RHPN2: variants seen among roughly 807,000 people sequenced by gnomAD.
The protein encoded by RHPN2 is rhophilin Rho GTPase binding protein 2, also known as rhophilin-2.
Under a neutral mutation model 79.0 loss-of-function variants are expected in RHPN2, and 40 were observed. The observed-to-expected ratio is 0.51, with a 90% CI of 0.39 to 0.66. The LOEUF (loss-of-function observed/expected upper bound fraction) is 0.66. Among genes scored for constraint, RHPN2 ranks in the 30% least tolerant of loss-of-function variants. The probability of loss-of-function intolerance (pLI) is 0.00; values close to 1 mark genes in which losing one functional copy is unlikely to be tolerated. For synonymous variants in RHPN2, 285 were observed against 363.5 expected (o/e 0.78, Z 2.46); for missense variants, 686 against 883.5 (o/e 0.78, Z 2.83).
intron 2 of RHPN2, among the ~76,000 whole-genome samples, chr19:33,031,954 G>A (rs1216075095): frequency 2.0e-5 from 3 of 150,812 alleles, no homozygotes; most frequent in South Asian, 2.1e-4. Context: ...TCCTGACCTC[G>A]TGATCCACCT....
intron 14 of RHPN2, among the ~76,000 whole-genome samples, chr19:32,982,902 TTTC>T (rs1050508789): frequency 2.6e-5 from 4 of 152,042 alleles, no homozygotes; most frequent in African/African-American, 9.7e-5. Context: ...TGTATACTTG[TTTC>T]TTATCTTCGC....
rs955738796 is a variant in RHPN2, at chr19:33,049,894, C to T, written c.70-5530G>A. ...AGGATGAGCGGTGAGGCGGTGTGAGCGGTAGGAATGCATGCAACCCCCAGA... is the reference window on the plus strand; with the variant it reads ...AGGATGAGCGGTGAGGCGGTGTGAGTGGTAGGAATGCATGCAACCCCCAGA... On this transcript the variant is annotated intron_variant, in intron 1 of 14. Coordinates refer to ENST00000254260, the MANE Select transcript of RHPN2 (RefSeq NM_033103.5). Among the ~76,000 whole-genome samples, 16 of 152,178 alleles carry T rather than the reference C, an allele frequency of 1.1e-4. No individual in the cohort carries two copies. In the East Asian group the frequency reaches 1.7e-3, roughly 17 times the overall value.
chr19:33,029,094 C>T (rs1479300548), intron 2 of RHPN2, among the ~76,000 whole-genome samples: 7 of 150,948 alleles, frequency 4.6e-5, no homozygotes, highest in African/African-American at 1.2e-4. Flanking sequence ...GAGCCAAGAT[C>T]GCGCCACCGC....
intron 3 of RHPN2, 39 bp downstream of exon 3, chr19:33,026,465 G>A (rs1446317981): frequency 3.1e-6 from 5 of 1,602,744 alleles, no homozygotes; most frequent in Non-Finnish European, 4.2e-6. Flanking sequence ...AAGGATCTCT[G>A]GCTCAGAGGC....
At chr19:33,053,987 G>A (rs1266264263) in intron 1 of RHPN2, among the ~76,000 whole-genome samples, 1 of 151,980 alleles carries the variant, frequency 6.6e-6, no homozygotes, top group Non-Finnish European at 1.5e-5. Context: ...AGCCTCCCGA[G>A]AAGCTGGGAC....
intron 14 of RHPN2, among the ~76,000 whole-genome samples, chr19:32,983,054 CTACACACACA>C: frequency 1.6e-5 from 1 of 61,642 alleles, no homozygotes; most frequent in Admixed American, 2.0e-4. Flanking sequence ...TCCCAGATCT[CTACACACACA>C]CACACACACA....
intron 7 of RHPN2, among the ~76,000 whole-genome samples, chr19:33,005,055 G>C (rs866761256): frequency 7.3e-5 from 11 of 151,444 alleles, no homozygotes; most frequent in Admixed American, 1.3e-4. Context: ...GCTCACAGGG[G>C]ACCAGGCTCA....
chr19:33,045,114 C>T (rs544422740), intron 1 of RHPN2, among the ~76,000 whole-genome samples: 6 of 149,072 alleles, frequency 4.0e-5, no homozygotes, highest in East Asian at 2.0e-4. Flanking sequence ...TGCAGTGGCG[C>T]GATCTCGGCT....
chr19:32,985,401 C>T (rs1159616565), intron 14 of RHPN2, among the ~76,000 whole-genome samples: 3 of 152,140 alleles, frequency 2.0e-5, no homozygotes, highest in Non-Finnish European at 4.4e-5. Flanking sequence ...CTTTGGGAGG[C>T]AAGGTAGGCG....
chr19:33,016,815 C>T (rs1486644313), intron 4 of RHPN2, among the ~76,000 whole-genome samples: 2 of 152,202 alleles, frequency 1.3e-5, no homozygotes, highest in African/African-American at 4.8e-5. Flanking sequence ...ACCACTTCTG[C>T]AGTACCTGTG....
chr19:32,996,122 C>T lies in RHPN2; in HGVS notation c.1324G>A (p.Val442Met). The T allele has an allele frequency of 6.2e-7, 1 of 1,614,116 alleles. No individual in the cohort carries two copies. The highest frequency in any genetic ancestry group is 8.5e-7 in the Non-Finnish European group (1 of 1,179,972). Residue 442 changes from valine to methionine, a missense_variant, in exon 11 of 15, where the codon GTG becomes ATG. By Grantham distance (21) the Val-to-Met change is conservative (BLOSUM62 1). Coordinates refer to ENST00000254260, the MANE Select transcript of RHPN2 (RefSeq NM_033103.5). ...KLRSIEVLQKVLCAAQERSRL... is the reference protein window; with the variant it reads ...KLRSIEVLQKMLCAAQERSRL... Reference sequence around the variant, plus strand: ...GAGCGTTCCTGTGCGGCACACAGCACCTTCTGTAGCACCTCAATGCTCCGC... The same window carrying T: ...GAGCGTTCCTGTGCGGCACACAGCATCTTCTGTAGCACCTCAATGCTCCGC...
chr19:32,990,137 T>TAAAGGAAGAAAG, intron 14 of RHPN2, among the ~76,000 whole-genome samples: 1 of 17,882 alleles, frequency 5.6e-5, no homozygotes, highest in East Asian at 4.3e-4. Context: ...AGAAAATGAA[T>TAAAGGAAGAAAG]AAAGAAAGAA....
At chr19:32,981,524 G>C (rs1018940235) in intron 14 of RHPN2, among the ~76,000 whole-genome samples, 10 of 144,732 alleles carry the variant, frequency 6.9e-5, no homozygotes, top group African/African-American at 2.5e-4. Context: ...AAAAAAAAAA[G>C]AGTATGCAGT....
chr19:33,048,735 A>AAAC lies in RHPN2; in HGVS notation c.70-4372_70-4371insGTT, dbSNP rs967554714. ...AGCGAGACTCAGTCTCAAAAAAAAA[A>AAAC]AAAAAAAAAACTTTAATGTTAAGCT... On this transcript the variant is annotated intron_variant, in intron 1 of 14. Transcript: ENST00000254260. Among the ~76,000 whole-genome samples, 7 of 151,194 alleles carry AAAC rather than the reference A, an allele frequency of 4.6e-5. 1 individual carries two copies. Among genetic ancestry groups the AAAC allele is most frequent in the African/African-American group, 1.7e-4 (7 of 41,048 alleles).
chr19:33,016,510 G>A (rs1409118341), intron 4 of RHPN2, among the ~76,000 whole-genome samples: 1 of 152,090 alleles, frequency 6.6e-6, no homozygotes. Flanking sequence ...GTGAAACCCT[G>A]TCTCTACTAA....
At chr19:33,036,906 C>T (rs1005437415) in intron 2 of RHPN2, among the ~76,000 whole-genome samples, 1 of 148,826 alleles carries the variant, frequency 6.7e-6, no homozygotes, top group African/African-American at 2.6e-5. Context: ...CTGTGTAGCC[C>T]GAGCCTCCCC....
intron 1 of RHPN2, among the ~76,000 whole-genome samples, chr19:33,055,641 G>A (rs530504440): frequency 1.3e-5 from 2 of 150,738 alleles, no homozygotes; most frequent in East Asian, 2.0e-4. Flanking sequence ...TGTCTAACAC[G>A]AAATTAGCCC....
intron 3 of RHPN2, among the ~76,000 whole-genome samples, chr19:33,022,562 G>T (rs1971933581): frequency 6.6e-6 from 1 of 152,134 alleles, no homozygotes; most frequent in African/African-American, 2.4e-5. Context: ...CCAGCCCAGG[G>T]TCAGACACCC....
At chr19:33,041,397 G>A (rs950196067) in intron 2 of RHPN2, among the ~76,000 whole-genome samples, 2 of 152,196 alleles carry the variant, frequency 1.3e-5, no homozygotes, top group African/African-American at 4.8e-5. Context: ...TTGTTTTCGG[G>A]AAACCGTTGG....
Sources: gnomAD v4.1 joint callset for allele counts (sites outside exome capture counted in the v4.1 genomes callset) on GRCh38, gnomAD v4.1.1 for gene constraint, MANE v1.5 for transcripts, NCBI Gene and HGNC (gene_info 2026-07-23, HGNC 2026-07-21) for gene names.